The following UBE2E2 variants were observed in gnomAD, a reference collection of about 807,000 sequenced individuals.
The protein encoded by UBE2E2 is ubiquitin-conjugating enzyme E2 E2.
Under a neutral mutation model 24.7 loss-of-function variants are expected in UBE2E2, and 6 were observed. The ratio of observed to expected loss-of-function variants is 0.24; its 90% CI spans 0.13 to 0.48. The LOEUF (loss-of-function observed/expected upper bound fraction) is 0.48. Among genes scored for constraint, UBE2E2 ranks in the 20% least tolerant of loss-of-function variants. UBE2E2 has a pLI of 0.99. For synonymous variants in UBE2E2, 104 were observed against 83.6 expected, an observed-to-expected ratio of 1.24 and a Z score of -1.33; for missense variants, 169 against 245.0, an observed-to-expected ratio of 0.69 and a Z score of 2.07.
chr3:23,366,029 A>G (rs1197438835), intron 3 of UBE2E2, among the ~76,000 whole-genome samples: 2 of 152,206 alleles, frequency 1.3e-5, no homozygotes, highest in African/African-American at 4.8e-5. Context: ...TTTCTATATA[A>G]TAAGTGGTGC....
intron 3 of UBE2E2, among the ~76,000 whole-genome samples, chr3:23,475,638 T>C (rs1699114848): frequency 6.6e-6 from 1 of 151,934 alleles, no homozygotes; most frequent in Non-Finnish European, 1.5e-5. Flanking sequence ...GGCTCGCAAA[T>C]CCAGTTTTTC....
chr3:23,506,585 A>G (rs971255223), intron 4 of UBE2E2, among the ~76,000 whole-genome samples: 2 of 152,110 alleles, frequency 1.3e-5, no homozygotes, highest in African/African-American at 4.8e-5. Flanking sequence ...CCCTCAGATT[A>G]TTGTGGAAAT....
intron 3 of UBE2E2, among the ~76,000 whole-genome samples, chr3:23,227,081 A>G (rs1406207998): frequency 6.6e-6 from 1 of 152,064 alleles, no homozygotes; most frequent in Non-Finnish European, 1.5e-5. Context: ...GGATGACTTT[A>G]AAGAGTGTGA....
intron 3 of UBE2E2, among the ~76,000 whole-genome samples, chr3:23,283,776 C>T (rs1009039486): frequency 2.6e-5 from 4 of 152,106 alleles, no homozygotes; most frequent in African/African-American, 7.2e-5. Context: ...ACAAAGCCTT[C>T]TCAAAAGTGT....
intron 3 of UBE2E2, among the ~76,000 whole-genome samples, chr3:23,336,861 C>T (rs544336526): frequency 1.8e-4 from 28 of 152,106 alleles, no homozygotes; most frequent in African/African-American, 6.5e-4. Context: ...GCTGATTGGC[C>T]GGGTGCGGTG....
At chr3:23,451,353 C>G (rs548946768) in intron 3 of UBE2E2, among the ~76,000 whole-genome samples, 3 of 151,954 alleles carry the variant, frequency 2.0e-5, no homozygotes, top group Non-Finnish European at 2.9e-5. Flanking sequence ...TAGTACTTAC[C>G]TAAGTCTCAT....
intron 3 of UBE2E2, among the ~76,000 whole-genome samples, chr3:23,338,800 G>A (rs1025962214): frequency 2.4e-4 from 36 of 152,082 alleles, no homozygotes; most frequent in African/African-American, 8.2e-4. Context: ...AAATTCAAAC[G>A]GGAGAAAGGA....
intron 4 of UBE2E2, among the ~76,000 whole-genome samples, chr3:23,528,010 C>G (rs1186516507): frequency 6.6e-6 from 1 of 152,180 alleles, no homozygotes; most frequent in Non-Finnish European, 1.5e-5. Context: ...CAGTTTATAA[C>G]AGTCAGAACT....
intron 3 of UBE2E2, among the ~76,000 whole-genome samples, chr3:23,296,259 A>G (rs1698905013): frequency 6.6e-6 from 1 of 151,962 alleles, no homozygotes; most frequent in Admixed American, 6.6e-5. Context: ...TGCATATTAT[A>G]TTTCCAGTCA....
chr3:23,501,652 G>T (rs1363300938), intron 4 of UBE2E2, among the ~76,000 whole-genome samples: 1 of 152,168 alleles, frequency 6.6e-6, no homozygotes, highest in Non-Finnish European at 1.5e-5. Context: ...GTAGGGGTTG[G>T]ACTTTATCCA....
intron 3 of UBE2E2, among the ~76,000 whole-genome samples, chr3:23,232,616 G>C (rs1389891766): frequency 1.3e-5 from 2 of 152,140 alleles, no homozygotes; most frequent in Non-Finnish European, 2.9e-5. Flanking sequence ...GTTTATTTGG[G>C]ATGTGTTTTC....
At chr3:23,525,121 T>C (rs1449024765) in intron 4 of UBE2E2, among the ~76,000 whole-genome samples, 1 of 152,122 alleles carries the variant, frequency 6.6e-6, no homozygotes, top group Non-Finnish European at 1.5e-5. Context: ...CTTCCTCACA[T>C]CACTTATCAC....
chr3:23,296,570 G>A (rs1239750160), intron 3 of UBE2E2, among the ~76,000 whole-genome samples: 1 of 152,018 alleles, frequency 6.6e-6, no homozygotes, highest in Admixed American at 6.6e-5. Context: ...TTGGTTTTTT[G>A]TCCTTGCGAT....
At chr3:23,337,283 G>A (rs1695238628) in intron 3 of UBE2E2, among the ~76,000 whole-genome samples, 2 of 152,126 alleles carry the variant, frequency 1.3e-5, no homozygotes, top group Non-Finnish European at 2.9e-5. Context: ...TGTATTGCTG[G>A]TAGTTGTCAG....
At chr3:23,276,847 G>A (rs1462018861) in intron 3 of UBE2E2, among the ~76,000 whole-genome samples, 3 of 133,850 alleles carry the variant, frequency 2.2e-5, no homozygotes, top group African/African-American at 7.5e-5. Flanking sequence ...AACAAAGATT[G>A]ACAAAGACAA....
rs1345810036 is a variant in UBE2E2 at position 23,214,568 on chromosome 3, G to GT, written c.177-2684dup. ...ACTGAGCCTGGCCCAGGATTTATGA[G>GT]TTTTTTTTTTGTTTTTTTTTTAAAC... On this transcript the variant is annotated intron_variant, in intron 2 of 5. Coordinates refer to ENST00000396703, the MANE Select transcript of UBE2E2 (RefSeq NM_152653.4). Among the ~76,000 whole-genome samples the GT allele has an allele frequency of 3.1e-3, 451 of 146,922 alleles. 3 individuals are homozygous for GT. The highest frequency in any genetic ancestry group is 8.5e-3 in the African/African-American group (341 of 40,002).
intron 3 of UBE2E2, among the ~76,000 whole-genome samples, chr3:23,266,550 C>G (rs1474234393): frequency 6.6e-6 from 1 of 151,892 alleles, no homozygotes; most frequent in African/African-American, 2.4e-5. Flanking sequence ...GGTAACCTGA[C>G]CTTTCTCTCT....
chr3:23,289,564 C>G (rs1698705684), intron 3 of UBE2E2, among the ~76,000 whole-genome samples: 1 of 152,252 alleles, frequency 6.6e-6, no homozygotes, highest in Non-Finnish European at 1.5e-5. Context: ...GAGGAAATAC[C>G]GTTTAAGATG....
intron 3 of UBE2E2, among the ~76,000 whole-genome samples, chr3:23,354,632 T>C (rs1341363404): frequency 2.6e-5 from 4 of 152,172 alleles, no homozygotes; most frequent in Non-Finnish European, 5.9e-5. Flanking sequence ...GAAAAAATGC[T>C]CACCATCACT....
Sources: allele counts gnomAD v4.1 joint callset (sites outside exome capture counted in the v4.1 genomes callset), GRCh38; gene constraint gnomAD v4.1.1; transcripts MANE v1.5; gene names NCBI Gene and HGNC (gene_info 2026-07-23, HGNC 2026-07-21).